Variants in RPGR observed in about 807,000 individuals in gnomAD.
RPGR encodes the protein X-linked retinitis pigmentosa GTPase regulator.
Under a neutral mutation model 56.3 loss-of-function variants are expected in RPGR, and 10 were observed. That is an observed-to-expected ratio of 0.18 (90% CI 0.11 to 0.30). The LOEUF (loss-of-function observed/expected upper bound fraction) is 0.30, where lower values mean the gene tolerates loss of function less well. Ranked by LOEUF, RPGR falls within the 10% of genes least tolerant of loss-of-function variation. The pLI is 1.00. For missense variants in RPGR, 538 were observed against 590.9 expected, an observed-to-expected ratio of 0.91 and a Z score of 0.93; for synonymous variants, 197 against 212.9, an observed-to-expected ratio of 0.93 and a Z score of 0.65.
chrX:38,284,296 C>G, intron 15 of RPGR, 112 bp downstream of exon 15: 2 of 197,161 alleles, frequency 1.0e-5, no homozygotes, highest in Non-Finnish European at 1.5e-5. Context: ...GCATTATGTA[C>G]ACGGAAAATT....
chrX:38,269,621 T>C lies in RPGR; in HGVS notation c.*5A>G. On this transcript the variant is annotated 3_prime_UTR_variant, in exon 19 of 19. Transcript: ENST00000642395. ...CTTGGTGACTGTGAAAACATAAATA[T>C]ATATTTATAGTATTGTACAGGATTT... 8.8e-7 allele frequency: 1 copy of C among 1,136,808 alleles called. No homozygotes were observed. Among genetic ancestry groups the C allele is most frequent in the Non-Finnish European group, 1.2e-6 (1 of 828,235 alleles). 93.7% of individuals were successfully genotyped at this position (1,136,808 alleles called of 1,213,427 possible). A position where few individuals can be genotyped will look rare whatever the true frequency, so the allele number is the denominator to read the frequency against.
intron 11 of RPGR, among the ~76,000 whole-genome samples, chrX:38,292,562 T>C (rs753249561): frequency 5.3e-4 from 60 of 112,257 alleles, no homozygotes; most frequent in Non-Finnish European, 1.0e-3. Flanking sequence ...AAATAACTAT[T>C]TGGTATTTAT....
chrX:38,318,874 T>C lies in RPGR; in HGVS notation c.424A>G (p.Ile142Val). 8.3e-7 allele frequency: 1 copy of C among 1,211,893 alleles called. No individual in the cohort carries two copies. Among genetic ancestry groups the C allele is most frequent in the Non-Finnish European group, 1.1e-6 (1 of 895,464 alleles). Residue 142 changes from isoleucine (I) to valine (V), a missense_variant, in exon 5 of 19, where the codon ATT (isoleucine) becomes GTT (valine). Physicochemically the swap from Ile to Val is conservative, Grantham distance 29 (BLOSUM62 3). Transcript: ENST00000642395. ...TTAGATCCAGCAGACAGCTGCTTAA[T>C]CTTATGCTCGGATGTAAAAAAGCTA...
At chrX:38,288,296 A>T (rs1183886574) in intron 13 of RPGR, among the ~76,000 whole-genome samples, 1 of 112,154 alleles carries the variant, frequency 8.9e-6, no homozygotes, top group Admixed American at 9.4e-5. Flanking sequence ...ACTACCTGCC[A>T]TAATTTTGCC....
intron 11 of RPGR, among the ~76,000 whole-genome samples, 179 bp downstream of exon 11, chrX:38,297,105 C>CTT (rs2067397504): frequency 8.9e-6 from 1 of 111,991 alleles, no homozygotes; most frequent in Non-Finnish European, 1.9e-5. Context: ...CTTAGGAGCA[C>CTT]TGATGGTGCT....
chrX:38,325,309 A>G, intron 1 of RPGR, among the ~76,000 whole-genome samples: 1 of 111,563 alleles, frequency 9.0e-6, no homozygotes, highest in East Asian at 2.8e-4. Context: ...TGCCTAGCAC[A>G]AAGTAGCCCT....
chrX:38,321,236 GT>G (rs1208764804), intron 3 of RPGR, 147 bp from the exon 4 acceptor site: 1 of 510,448 alleles, frequency 2.0e-6, no homozygotes, highest in East Asian at 3.7e-5. Flanking sequence ...CAAACCAGAG[GT>G]TTTCAGAACT....
chrX:38,320,888 C>T, intron 4 of RPGR, 139 bp downstream of exon 4: 1 of 514,573 alleles, frequency 1.9e-6, no homozygotes, highest in South Asian at 2.8e-5. Context: ...CAAACGTGTA[C>T]TAGCCATTGA....
rs1159345255 is a variant in RPGR, at chrX:38,291,125, TTTTTTA to T, written c.1507-107_1507-102del. ...ATAGTATATTTTCAATTATATATAT[TTTTTTA>T]TATATATATATATATAAAATGAAGG... On this transcript the variant is annotated intron_variant, in intron 12 of 18. Coordinates refer to ENST00000642395, the MANE Select transcript of RPGR (RefSeq NM_000328.3). 634 of 158,984 alleles carry T rather than the reference TTTTTTA, an allele frequency of 4.0e-3. 5 individuals are homozygous for T. Among genetic ancestry groups the T allele is most frequent in the African/African-American group, 0.023 (564 of 24,904 alleles). 13.1% of individuals were successfully genotyped at this position (158,984 alleles called of 1,213,427 possible).
intron 15 of RPGR, chrX:38,285,273 A>G: frequency 1.0e-6 from 1 of 1,004,646 alleles, no homozygotes; most frequent in Non-Finnish European, 1.3e-6. Flanking sequence ...AATGTTAATA[A>G]TCTGATATGA....
chrX:38,288,805 G>C (rs1469939246), intron 13 of RPGR, among the ~76,000 whole-genome samples: 2 of 110,391 alleles, frequency 1.8e-5, no homozygotes, highest in Non-Finnish European at 3.8e-5. Context: ...TTCTTGAGAC[G>C]GAGTTTCATT....
chrX:38,294,985 G>A (rs1366546864), intron 11 of RPGR, among the ~76,000 whole-genome samples: 3 of 112,113 alleles, frequency 2.7e-5, no homozygotes, highest in African/African-American at 9.7e-5. Flanking sequence ...TCATCTCAAA[G>A]TAGAAATAGG....
intron 9 of RPGR, among the ~76,000 whole-genome samples, chrX:38,299,409 A>G (rs757324412): frequency 2.6e-4 from 29 of 112,429 alleles, no homozygotes; most frequent in South Asian, 3.7e-4. Flanking sequence ...CTTTCAATTT[A>G]AAATAATATA....
intron 15 of RPGR, among the ~76,000 whole-genome samples, chrX:38,277,498 T>C (rs1205537739): frequency 9.0e-6 from 1 of 111,328 alleles, no homozygotes; most frequent in Non-Finnish European, 1.9e-5. Context: ...TTTCTAATTT[T>C]GGGTGAAATA....
At chrX:38,308,400 C>A (rs933588207) in intron 7 of RPGR, among the ~76,000 whole-genome samples, 34 of 111,952 alleles carry the variant, frequency 3.0e-4, no homozygotes, top group African/African-American at 1.1e-3. Flanking sequence ...TCCTTAAGTG[C>A]ATTTATTTTA....
intron 15 of RPGR, chrX:38,284,626 A>G (rs1013602165): frequency 1.4e-6 from 1 of 732,137 alleles, no homozygotes; most frequent in Non-Finnish European, 1.6e-6. Context: ...AGAGTAAAGA[A>G]AACAACTGTA....
At chrX:38,290,880 G>T in intron 13 of RPGR, 79 bp downstream of exon 13, 1 of 395,545 alleles carries the variant, frequency 2.5e-6, no homozygotes, top group Non-Finnish European at 4.5e-6. Flanking sequence ...CGTTTCTTGT[G>T]TTCTTTCCAA....
chrX:38,305,561 C>T (rs1301310987), intron 7 of RPGR, among the ~76,000 whole-genome samples: 3 of 109,518 alleles, frequency 2.7e-5, no homozygotes, highest in South Asian at 3.9e-4. Context: ...GTCTGGCCAA[C>T]GTGGTGAAAC....
In RPGR at chrX:38,286,241, TCCCTTCTCCTTCCTCCTCTTCTCCCTC is replaced by T; in HGVS notation, c.1905+826_1905+852del. On this transcript the variant is annotated intron_variant, in intron 15 of 18. Transcript: ENST00000642395. ...CCTTCCTCTCCTTCCTCCTCCCCTT[TCCCTTCTCCTTCCTCCTCTTCTCCCTC>T]CCCTTCTCCTTCCTCTTCTCCCTCC... is the stretch of plus-strand genomic sequence containing the variant. 13 of 471,362 alleles carry T rather than the reference TCCCTTCTCCTTCCTCCTCTTCTCCCTC, an allele frequency of 2.8e-5. No homozygotes were observed. The highest frequency in any genetic ancestry group is 5.2e-6 in the Non-Finnish European group (2 of 386,726). The allele number at this position is 471,362 out of a possible 1,213,427, so 38.8% of individuals were successfully genotyped here.
Sources: gnomAD v4.1 joint callset for allele counts (sites outside exome capture counted in the v4.1 genomes callset) on GRCh38, gnomAD v4.1.1 for gene constraint, MANE v1.5 for transcripts, NCBI Gene and HGNC (gene_info 2026-07-23, HGNC 2026-07-21) for gene names.